ZNF560: variants seen among roughly 807,000 people sequenced by gnomAD.
The protein encoded by ZNF560 is zinc finger protein 560.
ZNF560 carries 54 observed loss-of-function variants against 81.8 expected under a neutral mutation model. The observed-to-expected ratio is 0.66, with a 90% CI of 0.53 to 0.83. ZNF560 has a LOEUF of 0.83. Ranked by LOEUF, ZNF560 falls within the 40% of genes least tolerant of loss-of-function variation. ZNF560 has a pLI of 0.00. For missense variants in ZNF560, 940 were observed against 932.4 expected, an observed-to-expected ratio of 1.01 and a Z score of -0.11; for synonymous variants, 321 against 317.9, an observed-to-expected ratio of 1.01 and a Z score of -0.10.
intron 2 of ZNF560, among the ~76,000 whole-genome samples, chr19:9,485,820 G>A (rs1250974164): frequency 1.3e-5 from 2 of 152,162 alleles, no homozygotes; most frequent in Non-Finnish European, 2.9e-5. Context: ...ACAGGCATGA[G>A]CCACCATGCC....
the ZNF560 span, among the ~76,000 whole-genome samples, chr19:9,459,477 G>A: frequency 6.6e-6 from 1 of 152,166 alleles, no homozygotes. Context: ...GACATCTAAA[G>A]CCCTACTATG....
At chr19:9,483,647 G>A (rs1472131642) in intron 2 of ZNF560, among the ~76,000 whole-genome samples, 39 of 145,420 alleles carry the variant, frequency 2.7e-4, no homozygotes, top group Non-Finnish European at 4.2e-4. Context: ...GCCCCCCGCC[G>A]GCCAGCCGCC....
chr19:9,474,700 G>A (rs1158767586), intron 3 of ZNF560, among the ~76,000 whole-genome samples: 2 of 151,994 alleles, frequency 1.3e-5, no homozygotes, highest in Admixed American at 6.6e-5. Context: ...GCTCTGTCAC[G>A]TAGGCTGGAC....
chr19:9,483,455 G>A (rs533622671), intron 2 of ZNF560, among the ~76,000 whole-genome samples: 24 of 150,220 alleles, frequency 1.6e-4, no homozygotes, highest in South Asian at 6.3e-4. Context: ...AGTGAGGAGC[G>A]TCTCCGCCTG....
At chr19:9,473,086 G>T in intron 5 of ZNF560, 93 bp downstream of exon 5, 1 of 976,664 alleles carries the variant, frequency 1.0e-6, no homozygotes, top group Non-Finnish European at 1.6e-6. Flanking sequence ...CCAGTCTCAG[G>T]TATTTCTTTC....
chr19:9,465,817 AC>A (rs2073005680), downstream of ZNF560, among the ~76,000 whole-genome samples: 1 of 151,816 alleles, frequency 6.6e-6, no homozygotes, highest in Non-Finnish European at 1.5e-5. Flanking sequence ...AAATGTTGAA[AC>A]CCCGTCTCTA....
At chr19:9,478,759 G>A (rs537529293) in intron 2 of ZNF560, among the ~76,000 whole-genome samples, 9 of 151,956 alleles carry the variant, frequency 5.9e-5, no homozygotes, top group Non-Finnish European at 1.2e-4. Context: ...AAGCAAAAAT[G>A]TATAGCCAAC....
chr19:9,452,552 A>G, the ZNF560 span, among the ~76,000 whole-genome samples: 1 of 152,244 alleles, frequency 6.6e-6, no homozygotes, highest in Admixed American at 6.5e-5. Flanking sequence ...CATATACACC[A>G]TGGAATACTA....
At chr19:9,457,349 C>T in the ZNF560 span, among the ~76,000 whole-genome samples, 6 of 152,198 alleles carry the variant, frequency 3.9e-5, no homozygotes, top group East Asian at 9.6e-4. Context: ...ATCCCCTTAG[C>T]TCAGCAGGAC....
At position 9,467,223 on chromosome 19, in the gene ZNF560, A is replaced by G; in HGVS notation, c.1724T>C (p.Met575Thr). The G allele has an allele frequency of 6.2e-7, 1 of 1,613,830 alleles. No individual in the cohort carries two copies. The change falls in exon 10 of 10, where the codon ATG becomes ACG. Residue 575 changes from methionine to threonine, a missense_variant. Physicochemically the swap from Met to Thr is moderately conservative, Grantham distance 81 (BLOSUM62 -1). Transcript: ENST00000301480. Reference protein sequence around the residue: ...THAGEKPYECMKCGKAFTERS... With the variant: ...THAGEKPYECTKCGKAFTERS... ...CTCAGTGAAGGCTTTCCCACATTTC[A>G]TACATTCATAGGGTTTCTCTCCAGC...
At chr19:9,496,000 G>A (rs2073552085) in intron 2 of ZNF560, among the ~76,000 whole-genome samples, 1 of 152,108 alleles carries the variant, frequency 6.6e-6, no homozygotes. Flanking sequence ...CAAGACCTAT[G>A]GATGGGAATT....
At chr19:9,450,992 A>C in the ZNF560 span, among the ~76,000 whole-genome samples, 1 of 152,330 alleles carries the variant, frequency 6.6e-6, no homozygotes, top group South Asian at 2.1e-4. Context: ...ACAATGGAAA[A>C]ACACCCCATG....
chr19:9,482,634 G>T, intron 2 of ZNF560, among the ~76,000 whole-genome samples: 1 of 149,656 alleles, frequency 6.7e-6, no homozygotes, highest in East Asian at 2.0e-4. Context: ...AAAAAGAAAA[G>T]ACCTCCCCCT....
chr19:9,476,938 G>GTAC (rs1409685031), intron 2 of ZNF560, among the ~76,000 whole-genome samples: 1 of 152,134 alleles, frequency 6.6e-6, no homozygotes, highest in Admixed American at 6.5e-5. Flanking sequence ...GGACATATCA[G>GTAC]GGTAGCTTAT....
Position 9,468,342 on chromosome 19 carries a change from C to T in ZNF560, c.613-8G>A, listed in dbSNP as rs754130555. The T allele has an allele frequency of 5.3e-5, 84 of 1,573,850 alleles. No homozygotes were observed. Among genetic ancestry groups the T allele is most frequent in the Non-Finnish European group, 6.7e-5 (78 of 1,163,118 alleles). On this transcript the variant is annotated splice_polypyrimidine_tract_variant and splice_region_variant and intron_variant, in intron 9 of 9. Transcript: ENST00000301480. ...TCCATTTTGGTTTCTTGCCTGTTAA[C>T]ACAGGAATGAACAATAAAGGAAGCA... is the stretch of plus-strand genomic sequence containing the variant.
chr19:9,489,203 C>T (rs1220906708), intron 2 of ZNF560, among the ~76,000 whole-genome samples: 2 of 152,264 alleles, frequency 1.3e-5, no homozygotes, highest in Non-Finnish European at 2.9e-5. Flanking sequence ...TGGAGGTTTG[C>T]ACAGTGGCTC....
At chr19:9,468,725 CTTTTTTTTTTTT>C (rs3068756) in intron 9 of ZNF560, among the ~76,000 whole-genome samples, 1 of 123,052 alleles carries the variant, frequency 8.1e-6, no homozygotes, top group Non-Finnish European at 1.7e-5. Flanking sequence ...CTGCTGATTT[CTTTTTTTTTTTT>C]TTTTTTTTGA....
In ZNF560 at chr19:9,466,717, C is replaced by A. The variant is rs764371835; in HGVS notation, c.2230G>T (p.Glu744Ter). ...HTGEKPYKCK[E>*]CGKAFRTSSG... ...GATGTACGGAAGGCCTTCCCACATT[C>A]CTTACATTTATAGGGCTTCTCTCCA... is the stretch of plus-strand genomic sequence containing the variant. Residue 744 changes from glutamate (E) to a stop codon, truncating the protein, a stop_gained, in exon 10 of 10, where the codon GAA (glutamate) becomes TAA (stop). Transcript: ENST00000301480. LOFTEE classifies it high-confidence loss of function. The A allele has an allele frequency of 6.2e-7, 1 of 1,614,116 alleles. No individual in the cohort carries two copies. The highest frequency in any genetic ancestry group is 1.7e-5 in the Admixed American group (1 of 60,008).
intron 2 of ZNF560, among the ~76,000 whole-genome samples, chr19:9,494,987 A>G (rs1270210016): frequency 6.6e-6 from 1 of 152,180 alleles, no homozygotes; most frequent in East Asian, 1.9e-4. Context: ...CACAGCCTCT[A>G]GCAACAGCCA....
Sources: allele counts gnomAD v4.1 joint callset (sites outside exome capture counted in the v4.1 genomes callset), GRCh38; gene constraint gnomAD v4.1.1; transcripts MANE v1.5; gene names NCBI Gene and HGNC (gene_info 2026-07-23, HGNC 2026-07-21).